The following MAP3K20 variants were observed in gnomAD, a reference collection of about 807,000 sequenced individuals.
MAP3K20 encodes the protein HCCS-4.
Under a neutral mutation model 85.7 loss-of-function variants are expected in MAP3K20, and 40 were observed. The observed-to-expected ratio is 0.47, with a 90% CI of 0.36 to 0.61. The LOEUF is 0.61. MAP3K20 is among the 20% of genes least tolerant of loss of function. MAP3K20 has a pLI of 0.00. For missense variants in MAP3K20, 817 were observed against 961.7 expected, an observed-to-expected ratio of 0.85 and a Z score of 1.99; for synonymous variants, 325 against 327.7, an observed-to-expected ratio of 0.99 and a Z score of 0.09.
At chr2:173,089,712 G>A (rs1687239728) in intron 1 of MAP3K20, among the ~76,000 whole-genome samples, 1 of 152,070 alleles carries the variant, frequency 6.6e-6, no homozygotes, top group East Asian at 1.9e-4. Context: ...CCTCCCAAGA[G>A]CTGGAATTAC....
At chr2:173,133,601 AC>A (rs781684686) in intron 2 of MAP3K20, among the ~76,000 whole-genome samples, 3 of 152,072 alleles carry the variant, frequency 2.0e-5, no homozygotes, top group Non-Finnish European at 4.4e-5. Context: ...CACAAGACCA[AC>A]CTTTCTAATT....
At chr2:173,108,221 C>T (rs1192911619) in intron 2 of MAP3K20, among the ~76,000 whole-genome samples, 1 of 151,998 alleles carries the variant, frequency 6.6e-6, no homozygotes, top group Admixed American at 6.6e-5. Flanking sequence ...CAACTTCTGC[C>T]TCCCAGGTTC....
intron 2 of MAP3K20, among the ~76,000 whole-genome samples, chr2:173,103,187 G>A (rs1380095258): frequency 6.6e-6 from 1 of 152,178 alleles, no homozygotes; most frequent in African/African-American, 2.4e-5. Flanking sequence ...TTGTGAAAGC[G>A]AGGGACTTTT....
At chr2:173,120,701 C>CTTTTTTTTTTT (rs56084110) in intron 2 of MAP3K20, among the ~76,000 whole-genome samples, 1 of 49,230 alleles carries the variant, frequency 2.0e-5, no homozygotes, top group Non-Finnish European at 3.2e-5. Context: ...ACTCTCACTT[C>CTTTTTTTTTTT]TTTTTTTTTT....
rs553171291 is a variant in MAP3K20 at position 173,266,058 on chromosome 2, T to C, written c.1711T>C (p.Cys571Arg). 21 of 1,566,666 alleles carry C rather than the reference T, an allele frequency of 1.3e-5. No homozygotes were observed. The highest frequency in any genetic ancestry group is 1.8e-5 in the Non-Finnish European group (21 of 1,153,142). The change falls in exon 20 of 20, where the codon TGC becomes CGC. Residue 571 changes from cysteine to arginine, a missense_variant. By Grantham distance (180) the Cys-to-Arg change is radical. This residue lies in a region of MAP3K20 where 454 missense variants were observed against 476.9 expected (regional missense o/e 0.95). Coordinates refer to ENST00000375213, the MANE Select transcript of MAP3K20 (RefSeq NM_016653.3). ...PGSRSDSSAD[C>R]QWLDTLRMRQ... Reference sequence around the variant, plus strand: ...TTCCATTTCTCCCGCAGGTGCTGATTGCCAGTGGTTAGATACTCTGAGGAT... The same window carrying C: ...TTCCATTTCTCCCGCAGGTGCTGATCGCCAGTGGTTAGATACTCTGAGGAT...
intron 2 of MAP3K20, among the ~76,000 whole-genome samples, chr2:173,111,278 GT>G (rs1395690530): frequency 1.3e-4 from 19 of 151,796 alleles, no homozygotes; most frequent in Non-Finnish European, 2.4e-4. Flanking sequence ...TTATGGGATT[GT>G]TTTTTTCTTA....
intron 2 of MAP3K20, among the ~76,000 whole-genome samples, chr2:173,131,582 T>C (rs1688618940): frequency 6.6e-6 from 1 of 152,220 alleles, no homozygotes; most frequent in South Asian, 2.1e-4. Context: ...GCCAAAGGGC[T>C]AGGCAGGGTT....
intron 11 of MAP3K20, chr2:173,222,514 G>A (rs1684279742): frequency 2.0e-6 from 2 of 985,828 alleles, no homozygotes; most frequent in Non-Finnish European, 2.4e-6. Flanking sequence ...GAAAGAGGTG[G>A]TCTTAAGGGG....
At chr2:173,253,047 C>T (rs1031075850) in intron 16 of MAP3K20, among the ~76,000 whole-genome samples, 2 of 152,156 alleles carry the variant, frequency 1.3e-5, no homozygotes, top group African/African-American at 4.8e-5. Flanking sequence ...CTCCCTGGTA[C>T]CCAAATGATT....
chr2:173,155,900 A>G (rs1432143756), intron 2 of MAP3K20, among the ~76,000 whole-genome samples: 3 of 152,144 alleles, frequency 2.0e-5, no homozygotes, highest in Non-Finnish European at 4.4e-5. Context: ...GGATTCCTGT[A>G]TTGTTAGATG....
At chr2:173,106,330 T>C (rs776417691) in intron 2 of MAP3K20, among the ~76,000 whole-genome samples, 2 of 152,226 alleles carry the variant, frequency 1.3e-5, no homozygotes, top group Non-Finnish European at 1.5e-5. Context: ...TAGTGTGGTA[T>C]TTGTGTGTAG....
At chr2:173,187,767 A>G (rs895882366) in intron 5 of MAP3K20, 144 bp downstream of exon 5, 5 of 576,426 alleles carry the variant, frequency 8.7e-6, no homozygotes, top group African/African-American at 1.9e-5. Context: ...TCTACTGTCA[A>G]TAAATAACAA....
At chr2:173,127,196 G>A (rs370782947) in intron 2 of MAP3K20, among the ~76,000 whole-genome samples, 1 of 152,206 alleles carries the variant, frequency 6.6e-6, no homozygotes, top group East Asian at 1.9e-4. Context: ...AGATGGATGT[G>A]TAGATACTGA....
intron 3 of MAP3K20, among the ~76,000 whole-genome samples, chr2:173,180,126 A>G (rs1298240431): frequency 6.6e-6 from 1 of 152,188 alleles, no homozygotes; most frequent in East Asian, 1.9e-4. Flanking sequence ...CCTAAAATTT[A>G]CGTGGTAATG....
chr2:173,258,610 T>G, intron 16 of MAP3K20, 89 bp from the exon 17 acceptor site: 2 of 699,018 alleles, frequency 2.9e-6, no homozygotes, highest in Non-Finnish European at 4.8e-6. Flanking sequence ...AATACTTCAT[T>G]TAGAATATTT....
At chr2:173,193,669 C>T (rs1370480360) in intron 7 of MAP3K20, among the ~76,000 whole-genome samples, 4 of 152,202 alleles carry the variant, frequency 2.6e-5, no homozygotes, top group Admixed American at 1.3e-4. Flanking sequence ...ATACATTCCA[C>T]ATTGACCCCA....
intron 7 of MAP3K20, 129 bp downstream of exon 7, chr2:173,191,306 AGCACC>A: frequency 7.7e-7 from 1 of 1,297,220 alleles, no homozygotes; most frequent in Non-Finnish European, 1.0e-6. Context: ...TGCCTAAAGC[AGCACC>A]ATTGGAGAAC....
At chr2:173,080,375 G>A (rs1385552892) in intron 1 of MAP3K20, among the ~76,000 whole-genome samples, 1 of 152,188 alleles carries the variant, frequency 6.6e-6, no homozygotes, top group Non-Finnish European at 1.5e-5. Context: ...AGAGCAGTCT[G>A]TCACAGCCTG....
Position 173,263,744 on chromosome 2 carries a change from G to C in MAP3K20, c.1552-1G>C, listed in dbSNP as rs1356333719. The C allele has an allele frequency of 6.2e-7, 1 of 1,606,284 alleles. No homozygotes were observed. The highest frequency in any genetic ancestry group is 8.5e-7 in the Non-Finnish European group (1 of 1,177,948). ...TCTTTTTCGTTTGTTTGTTTTACCA[G>C]AGTGATGTTAGAACTCCAAAAAGCA... On this transcript the variant is annotated splice_acceptor_variant, in intron 18 of 19. Coordinates refer to ENST00000375213, the MANE Select transcript of MAP3K20 (RefSeq NM_016653.3). LOFTEE classifies it high-confidence loss of function.
Sources: gnomAD v4.1 joint callset for allele counts (sites outside exome capture counted in the v4.1 genomes callset) on GRCh38, gnomAD v4.1.1 for gene constraint, gnomAD v4.1.1 regional missense constraint, MANE v1.5 for transcripts, NCBI Gene and HGNC (gene_info 2026-07-23, HGNC 2026-07-21) for gene names.